The following UGT1A7 variants were observed in gnomAD, a reference collection of about 807,000 sequenced individuals.
UGT1A7 encodes the protein UDP-glucuronosyltransferase 1A7.
A neutral mutation model predicts 45.6 loss-of-function variants in UGT1A7; 33 were observed. The ratio of observed to expected loss-of-function variants is 0.72; its 90% CI spans 0.55 to 0.97. The LOEUF (loss-of-function observed/expected upper bound fraction) is 0.97. UGT1A7 is among the 50% of genes least tolerant of loss of function. The pLI is 0.00. For synonymous variants in UGT1A7, 274 were observed against 250.6 expected, an observed-to-expected ratio of 1.09 and a Z score of -0.88; for missense variants, 684 against 666.2, an observed-to-expected ratio of 1.03 and a Z score of -0.29.
At chr2:233,724,972 G>A (rs897028674) in intron 1 of UGT1A7, among the ~76,000 whole-genome samples, 4 of 135,404 alleles carry the variant, frequency 3.0e-5, no homozygotes, top group South Asian at 2.5e-4. Context: ...CGAGGTTGGC[G>A]GATCACTCGC....
intron 1 of UGT1A7, among the ~76,000 whole-genome samples, chr2:233,759,071 G>A (rs574786378): frequency 6.6e-6 from 1 of 152,312 alleles, no homozygotes; most frequent in South Asian, 2.1e-4. Context: ...AAGGAATTTG[G>A]AAGAAAGAGA....
Position 233,692,066 on chromosome 2 carries a change from GGAGA to G in UGT1A7, c.855+9281_855+9284del, listed in dbSNP as rs570948190. On this transcript the variant is annotated intron_variant, in intron 1 of 4. Transcript: ENST00000373426. Reference sequence around the variant, plus strand: ...AACCCTTGCGATTAGAGGGAAGAAAGGAGAGAGAGATTGAAGATTGATTTGATCA... The same window carrying G: ...AACCCTTGCGATTAGAGGGAAGAAAGGAGAGATTGAAGATTGATTTGATCA... 4.2e-3 allele frequency: 635 copies of G among 152,292 alleles called. 4 individuals carry two copies. Among genetic ancestry groups the G allele is most frequent in the African/African-American group, 7.4e-3 (309 of 41,550 alleles). The allele number at this position is 152,292 out of a possible 1,614,324, so 9.4% of individuals were successfully genotyped here. A position where few individuals can be genotyped will look rare whatever the true frequency, so the allele number is the denominator to read the frequency against.
intron 1 of UGT1A7, chr2:233,729,067 A>G (rs2077783738): frequency 6.2e-7 from 1 of 1,611,370 alleles, no homozygotes; most frequent in Admixed American, 1.7e-5. Context: ...AAGATGAAGA[A>G]AGCAAATGTA....
At chr2:233,688,136 T>A (rs2074879208) in intron 1 of UGT1A7, among the ~76,000 whole-genome samples, 1 of 152,188 alleles carries the variant, frequency 6.6e-6, no homozygotes, top group Admixed American at 6.5e-5. Flanking sequence ...TTACTTTCTG[T>A]CTGTATGGAT....
At chr2:233,745,472 G>A (rs1454081365) in intron 1 of UGT1A7, among the ~76,000 whole-genome samples, 1 of 151,704 alleles carries the variant, frequency 6.6e-6, no homozygotes, top group Non-Finnish European at 1.5e-5. Context: ...AGGGGAAAAT[G>A]ATTAACCAAA....
intron 1 of UGT1A7, among the ~76,000 whole-genome samples, chr2:233,761,431 T>C (rs1333766106): frequency 6.6e-6 from 1 of 152,234 alleles, no homozygotes; most frequent in Non-Finnish European, 1.5e-5. Context: ...TTAAATGCCA[T>C]AGGCACAGAA....
At chr2:233,752,155 C>T (rs1694901340) in intron 1 of UGT1A7, among the ~76,000 whole-genome samples, 1 of 152,178 alleles carries the variant, frequency 6.6e-6, no homozygotes, top group African/African-American at 2.4e-5. Flanking sequence ...CTTCTAGATG[C>T]TTTCTAGTGT....
chr2:233,716,913 A>C (rs1022916140), intron 1 of UGT1A7, among the ~76,000 whole-genome samples: 1 of 152,088 alleles, frequency 6.6e-6, no homozygotes, highest in Non-Finnish European at 1.5e-5. Flanking sequence ...AGACCCTGGA[A>C]GCTGATGCCT....
intron 1 of UGT1A7, among the ~76,000 whole-genome samples, chr2:233,703,357 C>G (rs1254530363): frequency 2.0e-5 from 3 of 151,876 alleles, no homozygotes; most frequent in South Asian, 4.1e-4. Context: ...GTTAATCTAA[C>G]TTTAGGTTTA....
chr2:233,711,404 C>T (rs45498502), intron 1 of UGT1A7, among the ~76,000 whole-genome samples: 3,771 of 152,318 alleles, frequency 0.025, 67 homozygotes, highest in East Asian at 0.044. Flanking sequence ...ACCCTCACCC[C>T]GGGCTCATCA....
At chr2:233,747,587 T>C (rs1416788712) in intron 1 of UGT1A7, 8 of 1,579,890 alleles carry the variant, frequency 5.1e-6, no homozygotes, top group Non-Finnish European at 3.5e-6. Context: ...TGGTCTTTCA[T>C]AGGTCTTGTG....
At chr2:233,765,305 A>G (rs777427074) in intron 1 of UGT1A7, among the ~76,000 whole-genome samples, 9 of 152,220 alleles carry the variant, frequency 5.9e-5, no homozygotes, top group Admixed American at 1.3e-4. Flanking sequence ...ACACATGCAC[A>G]TATTTGTTTA....
chr2:233,691,111 G>A (rs1254246135), intron 1 of UGT1A7: 1 of 985,788 alleles, frequency 1.0e-6, no homozygotes, highest in Non-Finnish European at 1.2e-6. Context: ...ATTCCTACAT[G>A]CTTGCTTAAG....
Position 233,696,622 on chromosome 2 carries a change from C to G in UGT1A7, c.855+13830C>G, listed in dbSNP as rs910187626. On this transcript the variant is annotated intron_variant, in intron 1 of 4. Transcript: ENST00000373426. ...TTGGATGCCCTTTCTTTCTTTCTTT[C>G]TCTTGCTTAATTGCTTTGGATAGGA... Among the ~76,000 whole-genome samples, 6 of 148,224 alleles carry G rather than the reference C, an allele frequency of 4.0e-5. No individual in the cohort carries two copies. In the East Asian group the frequency reaches 1.2e-3, roughly 29 times the overall value.
At chr2:233,730,735 G>A (rs1037091205) in intron 1 of UGT1A7, among the ~76,000 whole-genome samples, 2 of 152,096 alleles carry the variant, frequency 1.3e-5, no homozygotes, top group African/African-American at 2.4e-5. Flanking sequence ...ATGGCGGAAG[G>A]GGCTAGGGAG....
intron 1 of UGT1A7, among the ~76,000 whole-genome samples, chr2:233,717,415 G>T (rs565971108): frequency 6.6e-6 from 1 of 152,182 alleles, no homozygotes; most frequent in Admixed American, 6.5e-5. Flanking sequence ...TGCCTCCCTT[G>T]AGCTGGGTGT....
At chr2:233,697,107 A>G (rs989026707) in intron 1 of UGT1A7, among the ~76,000 whole-genome samples, 1 of 152,102 alleles carries the variant, frequency 6.6e-6, no homozygotes, top group African/African-American at 2.4e-5. Flanking sequence ...TGAGTTTGGA[A>G]GTATTCTCTC....
intron 1 of UGT1A7, among the ~76,000 whole-genome samples, chr2:233,687,583 T>TAAAAA (rs71398794): frequency 9.3e-6 from 1 of 107,450 alleles, no homozygotes. Flanking sequence ...ACATTCTTTG[T>TAAAAA]AAAAAAAAAA....
chr2:233,692,572 G>A lies in UGT1A7; in HGVS notation c.855+9780G>A, dbSNP rs757852696. Among the ~76,000 whole-genome samples the A allele has an allele frequency of 1.8e-4, 27 of 152,166 alleles. 1 individual carries two copies. The highest frequency in any genetic ancestry group is 3.4e-4 in the Non-Finnish European group (23 of 68,026). Reference sequence around the variant, plus strand: ...AATTGAATTGTAGGATACCCAGCTGGTGTTAGAGAATAGGTCCGTGTGCAA... The same window carrying A: ...AATTGAATTGTAGGATACCCAGCTGATGTTAGAGAATAGGTCCGTGTGCAA... On this transcript the variant is annotated intron_variant, in intron 1 of 4. Transcript: ENST00000373426.
Sources: allele counts gnomAD v4.1 joint callset (sites outside exome capture counted in the v4.1 genomes callset), GRCh38; gene constraint gnomAD v4.1.1; transcripts MANE v1.5; gene names NCBI Gene and HGNC (gene_info 2026-07-23, HGNC 2026-07-21).